GSDME: variants seen among roughly 807,000 people sequenced by gnomAD.
The protein encoded by GSDME is gasdermin-E.
In GSDME, 44 loss-of-function variants were observed where a neutral mutation model predicts 47.5. That is an observed-to-expected ratio of 0.93 (90% CI 0.73 to 1.19). The LOEUF (loss-of-function observed/expected upper bound fraction) is 1.19. Ranked by LOEUF, GSDME falls within the 50% of genes most tolerant of loss-of-function variation. The pLI, the probability that GSDME is intolerant of heterozygous loss-of-function variation, is 0.00. For missense variants in GSDME, 663 were observed against 604.2 expected (o/e 1.10, Z -1.02); for synonymous variants, 258 against 252.8 (o/e 1.02, Z -0.20).
chr7:24,745,982 G>A lies in GSDME; in HGVS notation c.212-1228C>T, dbSNP rs1175728271. Reference sequence around the variant, plus strand: ...ATTGTCCTGACCCAAGGCTCTCCTGGGCTCCCGGCTGCCCTTCACAGGGGA... The same window carrying A: ...ATTGTCCTGACCCAAGGCTCTCCTGAGCTCCCGGCTGCCCTTCACAGGGGA... On this transcript the variant is annotated intron_variant, in intron 2 of 9. Coordinates refer to ENST00000645220, the MANE Select transcript of GSDME (RefSeq NM_001127453.2). The surrounding 1 kb of genome is among the most constrained non-coding windows in gnomAD (Gnocchi z 4.4). Among the ~76,000 whole-genome samples the A allele has an allele frequency of 6.6e-6, 1 of 152,066 alleles. No homozygotes were observed. The highest frequency in any genetic ancestry group is 1.5e-5 in the Non-Finnish European group (1 of 68,024).
rs1788724687 is a variant in GSDME, at chr7:24,698,492, T to C, written c.*534A>G. 1 of 186,672 alleles carries C rather than the reference T, an allele frequency of 5.4e-6. No individual in the cohort carries two copies. The highest frequency in any genetic ancestry group is 1.5e-4 in the East Asian group (1 of 6,828). The allele number at this position is 186,672 out of a possible 1,614,324, so 11.6% of individuals were successfully genotyped here. On this transcript the variant is annotated 3_prime_UTR_variant, in exon 10 of 10. Coordinates refer to ENST00000645220, the MANE Select transcript of GSDME (RefSeq NM_001127453.2). ...ATAGCTAGGGTCCCAAGCAGGGGTG[T>C]GTTACTGTTAGATTTTTTTGAAGTT...
At chr7:24,755,503 CCT>C (rs779653318) in intron 1 of GSDME, among the ~76,000 whole-genome samples, 8 of 152,218 alleles carry the variant, frequency 5.3e-5, no homozygotes, top group Non-Finnish European at 1.2e-4. Flanking sequence ...ATGCCCAAAT[CCT>C]CTGTCCTTTC....
chr7:24,717,797 C>G (rs1789626255), intron 4 of GSDME, among the ~76,000 whole-genome samples: 1 of 152,146 alleles, frequency 6.6e-6, no homozygotes, highest in Non-Finnish European at 1.5e-5. Context: ...GCATATCACT[C>G]CAGACCCCTG....
chr7:24,710,391 G>T lies in GSDME; in HGVS notation c.698-3C>A. 1.2e-6 allele frequency: 2 copies of T among 1,614,156 alleles called. No individual in the cohort carries two copies. The highest frequency in any genetic ancestry group is 1.6e-4 in the Middle Eastern group (1 of 6,062). On this transcript the variant is annotated splice_region_variant and splice_polypyrimidine_tract_variant and intron_variant, in intron 5 of 9. Transcript: ENST00000645220. ...CTTCCCTCGGAGAAGGCAGAACTCTGTAGTGCAGGAGAAAAGGACAAGTTA... is the reference window on the plus strand; with the variant it reads ...CTTCCCTCGGAGAAGGCAGAACTCTTTAGTGCAGGAGAAAAGGACAAGTTA...
chr7:24,776,037 G>A, the GSDME span, among the ~76,000 whole-genome samples: 4 of 151,886 alleles, frequency 2.6e-5, no homozygotes, highest in Admixed American at 6.6e-5. Context: ...AAAATTAGCC[G>A]GGCGTGGTAG....
chr7:24,727,595 A>T (rs1348180912), intron 3 of GSDME, among the ~76,000 whole-genome samples: 2 of 152,290 alleles, frequency 1.3e-5, no homozygotes, highest in East Asian at 3.8e-4. Flanking sequence ...ACGTGTGTTC[A>T]CACACCAGCT....
At chr7:24,713,559 T>A (rs933608113) in intron 5 of GSDME, among the ~76,000 whole-genome samples, 2 of 152,170 alleles carry the variant, frequency 1.3e-5, no homozygotes, top group South Asian at 4.2e-4. Context: ...GCAGCAGGCC[T>A]GGGGGTGGGA....
intron 3 of GSDME, among the ~76,000 whole-genome samples, chr7:24,738,476 C>T (rs1351533808): frequency 2.0e-5 from 3 of 152,002 alleles, no homozygotes; most frequent in African/African-American, 7.2e-5. Context: ...GAAGAGGACA[C>T]AAAAAACATG....
upstream of GSDME, among the ~76,000 whole-genome samples, chr7:24,761,839 C>T (rs975583555): frequency 3.3e-5 from 5 of 152,188 alleles, no homozygotes; most frequent in South Asian, 2.1e-4. This position sits in a 1 kb window ranked among gnomAD's most constrained non-coding sequence, Gnocchi z 4.4. Flanking sequence ...ACACCCAGAA[C>T]GTAATTTCCA....
rs184980931 is a variant in GSDME at position 24,719,054 on chromosome 7, G to A, written c.569C>T (p.Thr190Met). The A allele has an allele frequency of 3.7e-5, 60 of 1,612,528 alleles. No homozygotes were observed. Among genetic ancestry groups the A allele is most frequent in the Admixed American group, 3.5e-4 (21 of 60,014 alleles). ...CGGIVGIQTK[T>M]VQVSATEDGN... ...CAGCCCGACTGCACGCACCTGCACC[G>A]TCTTGGTCTGGATGCCCACGATGCC... The change falls in exon 4 of 10, where the codon ACG becomes ATG. Residue 190 changes from threonine to methionine, a missense_variant. By Grantham distance (81) the Thr-to-Met change is moderately conservative. Coordinates refer to ENST00000645220, the MANE Select transcript of GSDME (RefSeq NM_001127453.2).
At chr7:24,715,386 A>T in intron 5 of GSDME, 1 of 458,970 alleles carries the variant, frequency 2.2e-6, no homozygotes, top group East Asian at 7.1e-5. Context: ...TGGGTGATGG[A>T]TGTGTTCATT....
chr7:24,789,736 C>T, the GSDME span, among the ~76,000 whole-genome samples: 43 of 152,280 alleles, frequency 2.8e-4, no homozygotes, highest in East Asian at 1.9e-3. Context: ...GAGGAGTGGT[C>T]GCCTCCCTTA....
chr7:24,713,568 G>A (rs910735440), intron 5 of GSDME, among the ~76,000 whole-genome samples: 1 of 152,228 alleles, frequency 6.6e-6, no homozygotes, highest in African/African-American at 2.4e-5. Context: ...CTGGGGGTGG[G>A]AGAGGGTGTG....
the GSDME span, among the ~76,000 whole-genome samples, chr7:24,780,788 T>C: frequency 2.0e-5 from 3 of 152,240 alleles, no homozygotes; most frequent in Non-Finnish European, 4.4e-5. The surrounding 1 kb of genome is among the most constrained non-coding windows in gnomAD (Gnocchi z 4.1). Flanking sequence ...ACCCAGTAGA[T>C]GGCATGCTGC....
chr7:24,765,488 A>G, the GSDME span, among the ~76,000 whole-genome samples: 15 of 152,210 alleles, frequency 9.9e-5, no homozygotes, highest in African/African-American at 2.9e-4. Flanking sequence ...AGTTCAGCCA[A>G]TCACAGGCCA....
At chr7:24,713,493 G>A (rs909187523) in intron 5 of GSDME, among the ~76,000 whole-genome samples, 6 of 152,224 alleles carry the variant, frequency 3.9e-5, no homozygotes, top group Admixed American at 3.3e-4. Context: ...AACCAGAAAA[G>A]CCATCTGATG....
intron 5 of GSDME, among the ~76,000 whole-genome samples, chr7:24,711,888 C>T (rs893781915): frequency 1.3e-5 from 2 of 150,636 alleles, no homozygotes; most frequent in African/African-American, 4.9e-5. Context: ...GCTAAGGTAT[C>T]TAAGGTGTAG....
Position 24,735,690 on chromosome 7 carries a change from A to G in GSDME, c.404+8872T>C, listed in dbSNP as rs534471674. Among the ~76,000 whole-genome samples the G allele has an allele frequency of 2.0e-5, 3 of 152,146 alleles. No individual in the cohort carries two copies. Among genetic ancestry groups the G allele is most frequent in the African/African-American group, 4.8e-5 (2 of 41,528 alleles). On this transcript the variant is annotated intron_variant, in intron 3 of 9. Coordinates refer to ENST00000645220, the MANE Select transcript of GSDME (RefSeq NM_001127453.2). This position sits in a 1 kb window ranked among gnomAD's most constrained non-coding sequence, Gnocchi z 4.4. ...GGAGAATCACTGGAACCTGGGAGGT[A>G]GAGGTTGCGATGAGCCGAGATTGCA...
rs1386369869 is a variant in GSDME, at chr7:24,736,776, T to G, written c.404+7786A>C. The stretch of plus-strand genomic sequence containing the variant: ...CATATGTTAGGCCACAAAACAAGTT[T>G]CAAAACATCCAAAAAATTGAAATAA... On this transcript the variant is annotated intron_variant, in intron 3 of 9. Transcript: ENST00000645220. This position sits in a 1 kb window ranked among gnomAD's most constrained non-coding sequence, Gnocchi z 4.6. Among the ~76,000 whole-genome samples the G allele has an allele frequency of 6.6e-6, 1 of 152,148 alleles. No individual in the cohort carries two copies. The highest frequency in any genetic ancestry group is 1.5e-5 in the Non-Finnish European group (1 of 68,014).
Sources: allele counts gnomAD v4.1 joint callset (sites outside exome capture counted in the v4.1 genomes callset), GRCh38; gene constraint gnomAD v4.1.1; non-coding constraint Gnocchi (gnomAD v3.1); transcripts MANE v1.5; gene names NCBI Gene and HGNC (gene_info 2026-07-23, HGNC 2026-07-21).